Variants in ARL15 observed in about 807,000 individuals in gnomAD.
ARL15 encodes ARF like GTPase 15.
In ARL15, 19 loss-of-function variants were observed where a neutral mutation model predicts 25.2. The ratio of observed to expected loss-of-function variants is 0.75; its 90% confidence interval spans 0.53 to 1.10. The LOEUF is 1.10. Among genes scored for constraint, ARL15 ranks in the 50% least tolerant of loss-of-function variants. ARL15 has a pLI of 0.00. For missense variants in ARL15, 220 were observed against 246.0 expected (o/e 0.89, Z 0.71); for synonymous variants, 94 against 86.8 (o/e 1.08, Z -0.46).
At chr5:54,029,333 T>TACCACCACCACCACCACCACTACC (rs1749893759) in intron 4 of ARL15, among the ~76,000 whole-genome samples, 1 of 94,664 alleles carries the variant, frequency 1.1e-5, no homozygotes, top group African/African-American at 4.4e-5. Flanking sequence ...CCACCACCAC[T>TACCACCACCACCACCACCACTACC]ACCACCACCA....
intron 4 of ARL15, among the ~76,000 whole-genome samples, chr5:54,073,239 T>A (rs1437559915): frequency 6.6e-6 from 1 of 152,168 alleles, no homozygotes; most frequent in Non-Finnish European, 1.5e-5. Context: ...AAAGCCAAGT[T>A]TAGCAATCTG....
At position 54,214,268 on chromosome 5, in the gene ARL15, AGAGAT is replaced by A. The variant is rs550854622; in HGVS notation, c.49-42345_49-42341del. ...TTTGCTACAGCCACTGGAGTAGATA[AGAGAT>A]ATCTTTCCAGTAAAAATTCTGCAAA... is the stretch of plus-strand genomic sequence containing the variant. On this transcript the variant is annotated intron_variant, in intron 1 of 4. Coordinates refer to ENST00000504924, the MANE Select transcript of ARL15 (RefSeq NM_019087.3). 1.2e-4 allele frequency among the ~76,000 whole-genome samples: 19 copies of A among 152,340 alleles called. No homozygotes were observed. In the South Asian group the frequency reaches 1.9e-3, roughly 15 times the overall value.
At chr5:53,935,111 G>GT (rs1746312489) in intron 4 of ARL15, among the ~76,000 whole-genome samples, 1 of 152,132 alleles carries the variant, frequency 6.6e-6, no homozygotes, top group Non-Finnish European at 1.5e-5. Context: ...CACTTGCTGG[G>GT]TACAGAGTAG....
intron 4 of ARL15, among the ~76,000 whole-genome samples, chr5:54,089,801 A>G (rs1467634977): frequency 6.6e-6 from 1 of 152,236 alleles, no homozygotes; most frequent in East Asian, 1.9e-4. Context: ...GCATGTATTA[A>G]TATTATATTC....
intron 1 of ARL15, among the ~76,000 whole-genome samples, chr5:54,205,096 T>C (rs1439802667): frequency 6.6e-6 from 1 of 151,998 alleles, no homozygotes; most frequent in Non-Finnish European, 1.5e-5. Context: ...CCACCACGCC[T>C]GGCCTCCCTT....
intron 4 of ARL15, among the ~76,000 whole-genome samples, chr5:54,056,312 T>G (rs1359303042): frequency 2.6e-5 from 4 of 151,758 alleles, no homozygotes; most frequent in Non-Finnish European, 5.9e-5. Flanking sequence ...AACAGAAGGG[T>G]CGGGGAAGGG....
chr5:54,025,161 T>G (rs1297604828), intron 4 of ARL15, among the ~76,000 whole-genome samples: 1 of 152,118 alleles, frequency 6.6e-6, no homozygotes, highest in Non-Finnish European at 1.5e-5. Flanking sequence ...GAAACAATCC[T>G]TTCTTTGTGG....
intron 1 of ARL15, among the ~76,000 whole-genome samples, chr5:54,207,386 A>G (rs1755900478): frequency 6.6e-6 from 1 of 152,208 alleles, no homozygotes; most frequent in South Asian, 2.1e-4. Context: ...CAGACAGAGC[A>G]TGCTTCTATT....
In ARL15 at chr5:53,944,311, G is replaced by A. The variant is rs1469787254; in HGVS notation, c.463-57598C>T. Among the ~76,000 whole-genome samples, 3 of 152,180 alleles carry A rather than the reference G, an allele frequency of 2.0e-5. No homozygotes were observed. In the East Asian group the frequency reaches 5.8e-4, roughly 29 times the overall value. ...ACTTGGAATATATGAGAAAAGGGAT[G>A]AAATAAAGAAATGACCTGGCCGGGC... On this transcript the variant is annotated intron_variant, in intron 4 of 4. Transcript: ENST00000504924.
chr5:54,123,023 CTATT>C (rs1432575139), intron 3 of ARL15, among the ~76,000 whole-genome samples: 2 of 151,922 alleles, frequency 1.3e-5, no homozygotes, highest in Admixed American at 6.6e-5. Flanking sequence ...ATTATGTAAA[CTATT>C]TACCCATCGA....
intron 1 of ARL15, among the ~76,000 whole-genome samples, chr5:54,232,427 C>A (rs1156841981): frequency 6.6e-6 from 1 of 152,190 alleles, no homozygotes; most frequent in South Asian, 2.1e-4. Context: ...CCAGAGTAAG[C>A]AATGGCTCCT....
chr5:54,152,184 T>C (rs2454916), intron 3 of ARL15, among the ~76,000 whole-genome samples: 31,970 of 152,060 alleles, frequency 0.21, 4,272 homozygotes, highest in Admixed American at 0.34. Context: ...TCATAAAACA[T>C]ATAACTCTCT....
intron 4 of ARL15, among the ~76,000 whole-genome samples, chr5:54,080,445 A>G (rs1751759978): frequency 6.6e-6 from 1 of 152,122 alleles, no homozygotes; most frequent in South Asian, 2.1e-4. Flanking sequence ...CCAGTAAATT[A>G]TTTTTTACAT....
chr5:54,038,160 G>A (rs995910858), intron 4 of ARL15, among the ~76,000 whole-genome samples: 1 of 151,976 alleles, frequency 6.6e-6, no homozygotes, highest in Non-Finnish European at 1.5e-5. Context: ...TAATGAAATT[G>A]CTAATTCCTA....
intron 1 of ARL15, among the ~76,000 whole-genome samples, chr5:54,302,703 TTTTTTTTTTC>T (rs1758646840): frequency 7.0e-6 from 1 of 143,420 alleles, no homozygotes; most frequent in African/African-American, 2.7e-5. Flanking sequence ...TTTTTTTTTT[TTTTTTTTTTC>T]CAGGATGGGG....
intron 2 of ARL15, among the ~76,000 whole-genome samples, chr5:54,162,102 C>G (rs1754423060): frequency 6.6e-6 from 1 of 151,998 alleles, no homozygotes; most frequent in African/African-American, 2.4e-5. Context: ...GTCAGCAATG[C>G]CTACCTCAAA....
chr5:53,986,823 G>A (rs1748314382), intron 4 of ARL15, among the ~76,000 whole-genome samples: 1 of 152,174 alleles, frequency 6.6e-6, no homozygotes, highest in Admixed American at 6.5e-5. Context: ...CTTTGCTAAT[G>A]AGGCTGAGAG....
chr5:54,114,969 T>C (rs1347745582), intron 3 of ARL15, among the ~76,000 whole-genome samples: 1 of 152,182 alleles, frequency 6.6e-6, no homozygotes, highest in Non-Finnish European at 1.5e-5. Context: ...TTGTTATGTG[T>C]TAGGGAAACA....
At chr5:54,258,786 A>C (rs1037912393) in intron 1 of ARL15, among the ~76,000 whole-genome samples, 1 of 152,210 alleles carries the variant, frequency 6.6e-6, no homozygotes, top group Non-Finnish European at 1.5e-5. Flanking sequence ...GCTGCCAAGA[A>C]ACATGAAGAT....
Sources: allele counts gnomAD v4.1 joint callset (sites outside exome capture counted in the v4.1 genomes callset), GRCh38; gene constraint gnomAD v4.1.1; transcripts MANE v1.5; gene names NCBI Gene and HGNC (gene_info 2026-07-23, HGNC 2026-07-21).